The following C10orf88 variants were observed in gnomAD, a reference collection of about 807,000 sequenced individuals.
The protein encoded by C10orf88 is ATPase PAAT.
In C10orf88, 29 loss-of-function variants were observed where a neutral mutation model predicts 34.2. The observed-to-expected ratio is 0.85, with a 90% CI of 0.63 to 1.16. C10orf88 has a LOEUF of 1.16. Among genes scored for constraint, C10orf88 ranks in the 50% most tolerant of loss-of-function variants. The pLI is 0.00. For missense variants in C10orf88, 507 were observed against 533.2 expected, an observed-to-expected ratio of 0.95 and a Z score of 0.48; for synonymous variants, 194 against 197.4, an observed-to-expected ratio of 0.98 and a Z score of 0.15.
Position 122,948,650 on chromosome 10 carries a change from C to T in C10orf88, c.647G>A (p.Arg216Gln), listed in dbSNP as rs138722676. 1.8e-5 allele frequency: 29 copies of T among 1,612,624 alleles called. No individual in the cohort carries two copies. The highest frequency in any genetic ancestry group is 1.6e-4 in the African/African-American group (12 of 74,992). The change falls in exon 4 of 6, where the codon CGG (arginine) becomes CAG (glutamine). Residue 216 changes from arginine (R) to glutamine (Q), a missense_variant and splice_region_variant. Physicochemically the swap from Arg to Gln is conservative, Grantham distance 43. Transcript: ENST00000481909. ...GGAAAGAAATCCATTTCTACTTACC[C>T]GCTGCTGACACCTAACCATATCCAT... The part of the protein sequence containing the change: ...QLMDMVRCQQ[R>Q]NCIPIGEQLQ...
rs1399839847 is a variant in C10orf88 at position 122,943,395 on chromosome 10, A to G, written c.649-5236T>C. On this transcript the variant is annotated intron_variant, in intron 4 of 5. Coordinates refer to ENST00000481909, the MANE Select transcript of C10orf88 (RefSeq NM_024942.4). The stretch of plus-strand genomic sequence containing the variant: ...AACTCAAGATGGATTAAAGACTTAA[A>G]CGTTAGACCTAAAACCATAAAAACC... 9.3e-5 allele frequency among the ~76,000 whole-genome samples: 14 copies of G among 151,190 alleles called. 1 individual carries two copies. The South Asian group carries it at 3.0e-3, about 32-fold the overall frequency.
In C10orf88 at chr10:122,952,942, T is replaced by G; in HGVS notation, c.255A>C (p.Glu85Asp). 1 of 1,614,200 alleles carries G rather than the reference T, an allele frequency of 6.2e-7. No individual in the cohort carries two copies. Among genetic ancestry groups the G allele is most frequent in the Non-Finnish European group, 8.5e-7 (1 of 1,180,028 alleles). Residue 85 changes from glutamate to aspartate, a missense_variant, in exon 2 of 6, where the codon GAA becomes GAC. Physicochemically the swap from Glu to Asp is conservative, Grantham distance 45 (BLOSUM62 2). Transcript: ENST00000481909. ...LYLRCGPDGG[E>D]EIASIGILSS... is the part of the protein sequence containing the mutation. The stretch of plus-strand genomic sequence containing the variant: ...TTAAAATGCCAATAGAAGCGATTTC[T>G]TCACCTCCATCAGGGCCACACCTCA...
At chr10:122,949,487 T>C (rs756752281) in intron 3 of C10orf88, among the ~76,000 whole-genome samples, 2 of 152,174 alleles carry the variant, frequency 1.3e-5, no homozygotes, top group Non-Finnish European at 2.9e-5. Context: ...CTTCTGATGA[T>C]ACATTTGGCT....
At chr10:122,934,886 G>T (rs1453205507) in intron 5 of C10orf88, among the ~76,000 whole-genome samples, 1 of 152,042 alleles carries the variant, frequency 6.6e-6, no homozygotes, top group East Asian at 1.9e-4. Context: ...GTTTTAATAT[G>T]CATTTCCCTA....
chr10:122,937,693 A>G lies in C10orf88; in HGVS notation c.1103+12T>C, dbSNP rs1848545865. On this transcript the variant is annotated intron_variant, in intron 5 of 5. Transcript: ENST00000481909. ...CCAAATCGAAACTCGTATGTCTTAAAATAATACTTACCCAACACCAAGAAT... is the reference window on the plus strand; with the variant it reads ...CCAAATCGAAACTCGTATGTCTTAAGATAATACTTACCCAACACCAAGAAT... 1 of 1,575,878 alleles carries G rather than the reference A, an allele frequency of 6.3e-7. No individual in the cohort carries two copies. The highest frequency in any genetic ancestry group is 8.6e-7 in the Non-Finnish European group (1 of 1,159,712).
chr10:122,948,557 A>G (rs1848660626), intron 4 of C10orf88, 92 bp downstream of exon 4: 7 of 1,212,002 alleles, frequency 5.8e-6, no homozygotes, highest in Non-Finnish European at 8.1e-6. Flanking sequence ...AATCAGTATG[A>G]AAGAAAAATT....
Position 122,952,039 on chromosome 10 carries a change from A to C in C10orf88, c.369-13T>G, listed in dbSNP as rs1361612236. 4 of 1,329,350 alleles carry C rather than the reference A, an allele frequency of 3.0e-6. No individual in the cohort carries two copies. In the Admixed American group the frequency reaches 6.2e-5, roughly 21 times the overall value. 82.3% of individuals were successfully genotyped at this position (1,329,350 alleles called of 1,614,324 possible). A position where few individuals can be genotyped will look rare whatever the true frequency, so the allele number is the denominator to read the frequency against. On this transcript the variant is annotated splice_polypyrimidine_tract_variant and intron_variant, in intron 2 of 5. Transcript: ENST00000481909. ...CTTTTCATGTTCACTAAAAATAAAA[A>C]AGAATTAATTTTTTTTACTTACATA...
Position 122,954,222 on chromosome 10 carries a change from T to C in C10orf88, c.-44A>G. The C allele has an allele frequency of 1.4e-6, 2 of 1,464,120 alleles. No individual in the cohort carries two copies. The highest frequency in any genetic ancestry group is 1.7e-4 in the Middle Eastern group (1 of 5,720). 90.7% of individuals were successfully genotyped at this position (1,464,120 alleles called of 1,614,324 possible). A position where few individuals can be genotyped will look rare whatever the true frequency, so the allele number is the denominator to read the frequency against. ...GCCAGCCCAGCCCCGGAACCTCTCT[T>C]CCAGTGCTTGAATTTCCGCCGGTAC... On this transcript the variant is annotated 5_prime_UTR_variant, in exon 1 of 6. Transcript: ENST00000481909.
At chr10:122,944,576 C>G (rs1165920280) in intron 4 of C10orf88, among the ~76,000 whole-genome samples, 1 of 152,010 alleles carries the variant, frequency 6.6e-6, no homozygotes, top group Non-Finnish European at 1.5e-5. Context: ...ATAAAACTCA[C>G]TTAGACATGA....
intron 3 of C10orf88, among the ~76,000 whole-genome samples, chr10:122,950,139 C>T (rs1362131254): frequency 2.0e-5 from 3 of 152,206 alleles, no homozygotes; most frequent in African/African-American, 7.2e-5. Flanking sequence ...TAACTTACGA[C>T]TCTGGTACTT....
intron 4 of C10orf88, among the ~76,000 whole-genome samples, chr10:122,938,361 G>C (rs571920745): frequency 6.6e-6 from 1 of 152,102 alleles, no homozygotes; most frequent in Non-Finnish European, 1.5e-5. Flanking sequence ...GCCAGTAAGT[G>C]GCAGAACTGG....
At chr10:122,939,905 T>A (rs1436070048) in intron 4 of C10orf88, among the ~76,000 whole-genome samples, 1 of 151,966 alleles carries the variant, frequency 6.6e-6, no homozygotes, top group Non-Finnish European at 1.5e-5. Context: ...CATATAATAT[T>A]CTGTTTATAA....
intron 4 of C10orf88, among the ~76,000 whole-genome samples, chr10:122,940,095 C>T (rs1252117098): frequency 5.9e-5 from 9 of 151,944 alleles, no homozygotes; most frequent in Admixed American, 5.3e-4. Context: ...AGATTATCTG[C>T]ACTCCCATGT....
chr10:122,947,742 C>T (rs1848652881), intron 4 of C10orf88, among the ~76,000 whole-genome samples: 1 of 152,188 alleles, frequency 6.6e-6, no homozygotes, highest in African/African-American at 2.4e-5. Context: ...CTCCAAGCAT[C>T]CTCCTCCTTT....
At chr10:122,937,599 T>C in intron 5 of C10orf88, 106 bp downstream of exon 5, 2 of 1,008,568 alleles carry the variant, frequency 2.0e-6, no homozygotes, top group Non-Finnish European at 2.9e-6. Context: ...TAAAATTTTC[T>C]CTGGAAACAA....
At chr10:122,938,231 G>A (rs1848552860) in intron 4 of C10orf88, 72 bp from the exon 5 acceptor site, 3 of 1,202,194 alleles carry the variant, frequency 2.5e-6, no homozygotes, top group Non-Finnish European at 3.5e-6. Context: ...ATTACTATGA[G>A]TCAGGCACTG....
At chr10:122,951,922 G>A in intron 3 of C10orf88, 32 bp downstream of exon 3, 1 of 1,345,974 alleles carries the variant, frequency 7.4e-7, no homozygotes, top group Non-Finnish European at 1.1e-6. Context: ...AAACAACTTA[G>A]TTGTCAAATT....
intron 4 of C10orf88, among the ~76,000 whole-genome samples, chr10:122,946,033 T>C (rs1848636767): frequency 6.6e-6 from 1 of 151,872 alleles, no homozygotes; most frequent in South Asian, 2.1e-4. Flanking sequence ...GAGGCAGAGG[T>C]TGCAGTGAGC....
At chr10:122,952,793 T>C (rs1848702811) in intron 2 of C10orf88, 36 bp downstream of exon 2, 1 of 1,608,286 alleles carries the variant, frequency 6.2e-7, no homozygotes, top group South Asian at 1.1e-5. Flanking sequence ...AAAACACTAC[T>C]TCAGAAGAAC....
Sources: allele counts gnomAD v4.1 joint callset (sites outside exome capture counted in the v4.1 genomes callset), GRCh38; gene constraint gnomAD v4.1.1; transcripts MANE v1.5; gene names NCBI Gene and HGNC (gene_info 2026-07-23, HGNC 2026-07-21).